NAV2: variants seen among roughly 807,000 people sequenced by gnomAD.
NAV2 encodes the protein neuron navigator 2.
A neutral mutation model predicts 223.2 loss-of-function variants in NAV2; 54 were observed. That is an observed-to-expected ratio of 0.24 (90% CI 0.19 to 0.30). The LOEUF (loss-of-function observed/expected upper bound fraction) is 0.30. Among genes scored for constraint, NAV2 ranks in the 10% least tolerant of loss-of-function variants. NAV2 has a pLI of 1.00. For synonymous variants in NAV2, 1,279 were observed against 1,239.3 expected (o/e 1.03, Z -0.67); for missense variants, 2,806 against 3,147.5 (o/e 0.89, Z 2.60).
At chr11:19,885,427 C>T (rs1445950203) in intron 5 of NAV2, among the ~76,000 whole-genome samples, 1 of 152,232 alleles carries the variant, frequency 6.6e-6, no homozygotes, top group Non-Finnish European at 1.5e-5. Flanking sequence ...TTGGCTTTTT[C>T]TCTCACACTG....
At chr11:19,903,202 G>A (rs530774412) in intron 6 of NAV2, among the ~76,000 whole-genome samples, 46 of 152,290 alleles carry the variant, frequency 3.0e-4, no homozygotes, top group African/African-American at 1.1e-3. Context: ...TGAAGGTGTC[G>A]GGGTTGCAAT....
chr11:20,106,183 G>GTGTGTGTGTGTGTGTGTATATATA (rs1394737236), intron 35 of NAV2, among the ~76,000 whole-genome samples: 1 of 25,536 alleles, frequency 3.9e-5, no homozygotes, highest in African/African-American at 1.0e-4. Context: ...ATATGTGTGT[G>GTGTGTGTGTGTGTGTGTATATATA]TATATATATA....
At chr11:19,566,274 C>T (rs1026394556) in intron 1 of NAV2, among the ~76,000 whole-genome samples, 8 of 151,932 alleles carry the variant, frequency 5.3e-5, no homozygotes, top group Admixed American at 2.0e-4. Flanking sequence ...AACAGGGTTT[C>T]ACCATGTTGC....
intron 7 of NAV2, among the ~76,000 whole-genome samples, chr11:19,934,768 C>T (rs1408209654): frequency 6.6e-6 from 1 of 152,070 alleles, no homozygotes; most frequent in African/African-American, 2.4e-5. Context: ...CTGCTGAGTG[C>T]TGGGGCTTTC....
intron 1 of NAV2, among the ~76,000 whole-genome samples, chr11:19,680,200 G>A (rs2048845900): frequency 6.6e-6 from 1 of 152,310 alleles, no homozygotes; most frequent in African/African-American, 2.4e-5. Context: ...TCTGGCCCCA[G>A]CACATCATTC....
intron 1 of NAV2, among the ~76,000 whole-genome samples, chr11:19,543,103 A>G (rs2044384754): frequency 6.6e-6 from 1 of 152,210 alleles, no homozygotes; most frequent in African/African-American, 2.4e-5. Flanking sequence ...GTCATCTTTA[A>G]GATAGGGCCA....
chr11:20,002,426 C>T (rs957560128), intron 11 of NAV2, among the ~76,000 whole-genome samples: 3 of 152,056 alleles, frequency 2.0e-5, no homozygotes, highest in Non-Finnish European at 4.4e-5. Flanking sequence ...GAAGGGACAG[C>T]GCAGTCAGGG....
At chr11:19,601,525 T>C (rs182841398) in intron 1 of NAV2, among the ~76,000 whole-genome samples, 1 of 152,164 alleles carries the variant, frequency 6.6e-6, no homozygotes, top group Admixed American at 6.5e-5. Flanking sequence ...TTTTTTCCTT[T>C]ATTCATTTAT....
At chr11:20,016,954 T>C (rs961569483) in intron 11 of NAV2, among the ~76,000 whole-genome samples, 3 of 152,058 alleles carry the variant, frequency 2.0e-5, no homozygotes, top group African/African-American at 7.2e-5. Flanking sequence ...TGCAGTGAGC[T>C]GAGATCGTGC....
At chr11:19,886,160 T>TA (rs397849543) in intron 5 of NAV2, among the ~76,000 whole-genome samples, 17 of 150,996 alleles carry the variant, frequency 1.1e-4, no homozygotes, top group African/African-American at 4.1e-4. Flanking sequence ...TTTTTTTTTT[T>TA]AAAGGTGGGG....
At chr11:20,003,630 C>T (rs1174373989) in intron 11 of NAV2, among the ~76,000 whole-genome samples, 4 of 152,162 alleles carry the variant, frequency 2.6e-5, no homozygotes, top group African/African-American at 9.7e-5. Context: ...AAAAGAATCA[C>T]CCCTGCTCTG....
intron 1 of NAV2, among the ~76,000 whole-genome samples, chr11:19,776,632 A>ATGTGTGTGTGTGTGTGTGTGTGTGTGTG (rs71050685): frequency 1.5e-4 from 10 of 64,616 alleles, no homozygotes; most frequent in Non-Finnish European, 2.5e-4. Context: ...GGGTCAGAAA[A>ATGTGTGTGTGTGTGTGTGTGTGTGTGTG]TGTGTGTGTG....
chr11:19,816,913 C>T (rs1042690217), intron 1 of NAV2, among the ~76,000 whole-genome samples: 6 of 152,020 alleles, frequency 3.9e-5, no homozygotes, highest in African/African-American at 1.2e-4. Context: ...TTTTTTTCCC[C>T]TCTGTGCCTT....
At chr11:19,467,018 C>CACACAG (rs982297137) in intron 1 of NAV2, among the ~76,000 whole-genome samples, 13 of 82,446 alleles carry the variant, frequency 1.6e-4, no homozygotes, top group African/African-American at 4.4e-4. Context: ...CACACACACA[C>CACACAG]AGAGAGAGAG....
chr11:20,049,973 T>C (rs1037070743), intron 16 of NAV2, 72 bp downstream of exon 16: 1 of 1,479,082 alleles, frequency 6.8e-7, no homozygotes, highest in Non-Finnish European at 9.5e-7. Flanking sequence ...AAGCCAGATG[T>C]CTTGTGCGAG....
At chr11:20,030,607 G>A (rs2055618392) in intron 11 of NAV2, among the ~76,000 whole-genome samples, 1 of 152,168 alleles carries the variant, frequency 6.6e-6, no homozygotes, top group East Asian at 1.9e-4. Context: ...GACTGCATTT[G>A]TAAATTTAAC....
At chr11:19,884,783 T>C (rs1197098752) in intron 5 of NAV2, among the ~76,000 whole-genome samples, 1 of 21,684 alleles carries the variant, frequency 4.6e-5, no homozygotes, top group Middle Eastern at 0.023. Flanking sequence ...GTGCTTTGTG[T>C]TGTTGTTGTT....
At chr11:19,612,035 A>C (rs1163930892) in intron 1 of NAV2, among the ~76,000 whole-genome samples, 1 of 152,188 alleles carries the variant, frequency 6.6e-6, no homozygotes, top group African/African-American at 2.4e-5. Context: ...CCCAAACCTC[A>C]ATTATTGACT....
intron 1 of NAV2, among the ~76,000 whole-genome samples, chr11:19,383,054 A>G (rs1015607212): frequency 2.0e-5 from 3 of 152,160 alleles, no homozygotes; most frequent in African/African-American, 7.2e-5. Context: ...AGGCTGATTG[A>G]GGGATTTGTG....
Sources: allele counts gnomAD v4.1 joint callset (sites outside exome capture counted in the v4.1 genomes callset), GRCh38; gene constraint gnomAD v4.1.1; transcripts MANE v1.5; gene names NCBI Gene and HGNC (gene_info 2026-07-23, HGNC 2026-07-21).